CORO7: variants seen among roughly 807,000 people sequenced by gnomAD.
CORO7 encodes the protein coronin 7.
A neutral mutation model predicts 126.6 loss-of-function variants in CORO7; 107 were observed. That is an observed-to-expected ratio of 0.85 (90% CI 0.72 to 0.99). CORO7 has a LOEUF of 0.99. Ranked by LOEUF, CORO7 falls within the 50% of genes least tolerant of loss-of-function variation. CORO7 has a pLI of 0.00. For missense variants in CORO7, 1,314 were observed against 1,255.8 expected (o/e 1.05, Z -0.70); for synonymous variants, 603 against 536.8 (o/e 1.12, Z -1.70).
At chr16:4,365,178 G>A (rs1218555118) in intron 10 of CORO7, 118 bp from the exon 11 acceptor site, 3 of 1,447,522 alleles carry the variant, frequency 2.1e-6, no homozygotes, top group East Asian at 5.0e-5. Flanking sequence ...ACAGTGGCTG[G>A]AGATGGGGCT....
At chr16:4,388,885 G>A (rs891057644) in intron 7 of CORO7, among the ~76,000 whole-genome samples, 6 of 152,146 alleles carry the variant, frequency 3.9e-5, no homozygotes, top group East Asian at 1.9e-4. Context: ...TGCTCCTCCC[G>A]AGTGTCCCTC....
chr16:4,414,098 G>C (rs1394190595), intron 1 of CORO7, among the ~76,000 whole-genome samples: 1 of 151,538 alleles, frequency 6.6e-6, no homozygotes, highest in African/African-American at 2.4e-5. Context: ...GGCTGAGGGA[G>C]GAGAATCACT....
At position 4,413,310 on chromosome 16, in the gene CORO7, G is replaced by A; in HGVS notation, c.155C>T (p.Pro52Leu). 6.3e-7 allele frequency: 1 copy of A among 1,575,786 alleles called. No individual in the cohort carries two copies. The highest frequency in any genetic ancestry group is 8.6e-7 in the Non-Finnish European group (1 of 1,159,370). The change falls in exon 2 of 28, where the codon CCT becomes CTT. Residue 52 changes from proline to leucine, a missense_variant and splice_region_variant. Pro to Leu is a moderately conservative substitution (Grantham distance 98). Transcript: ENST00000251166. ...CSLIAFNSDR[P>L]GVLGIVPLQG... ...CCACACTCATGGCCATTCCCTACCAGGACGGTCGGAGTTGAAGGCGATCAA... is the reference window on the plus strand; with the variant it reads ...CCACACTCATGGCCATTCCCTACCAAGACGGTCGGAGTTGAAGGCGATCAA...
At chr16:4,370,249 G>A (rs1384155010) in intron 9 of CORO7, among the ~76,000 whole-genome samples, 1 of 152,234 alleles carries the variant, frequency 6.6e-6, no homozygotes, top group African/African-American at 2.4e-5. Flanking sequence ...TCCGACAAGA[G>A]GCTGCACAGC....
chr16:4,402,859 G>T (rs1357446340), intron 6 of CORO7, among the ~76,000 whole-genome samples: 2 of 152,178 alleles, frequency 1.3e-5, no homozygotes, highest in African/African-American at 4.8e-5. Flanking sequence ...GCGGCCTCCT[G>T]CCCCTTCTCT....
At chr16:4,395,206 C>T (rs1567289514) in intron 7 of CORO7, 83 bp downstream of exon 7, 92 of 1,599,484 alleles carry the variant, frequency 5.8e-5, no homozygotes, top group Non-Finnish European at 7.7e-5. Context: ...CCCAGGCCTG[C>T]CCCTACCTCC....
intron 9 of CORO7, chr16:4,383,208 G>C (rs2055065886): frequency 5.8e-6 from 2 of 344,358 alleles, no homozygotes; most frequent in Non-Finnish European, 1.1e-5. Context: ...CGCATGCCTG[G>C]GCCCTGCTGG....
In CORO7 at chr16:4,411,979, C is replaced by T. The variant is rs1000093995; in HGVS notation, c.232+377G>A. Among the ~76,000 whole-genome samples, 8 of 152,036 alleles carry T rather than the reference C, an allele frequency of 5.3e-5. No homozygotes were observed. In the East Asian group the frequency reaches 1.2e-3, roughly 22 times the overall value. On this transcript the variant is annotated intron_variant, in intron 3 of 27. Coordinates refer to ENST00000251166, the MANE Select transcript of CORO7 (RefSeq NM_024535.5). ...ACACAGCGACCTCCTTGGAGGGCCCCGAGCGGCTGGGCTGGGGAGGATGCC... is the reference window on the plus strand; with the variant it reads ...ACACAGCGACCTCCTTGGAGGGCCCTGAGCGGCTGGGCTGGGGAGGATGCC...
rs755146901 is a variant in CORO7, at chr16:4,358,475, G to A, written c.2349C>T (p.Val783=). Residue 783 remains valine (V), a synonymous_variant, in exon 24 of 28, where the codon GTC becomes GTT. Coordinates refer to ENST00000251166, the MANE Select transcript of CORO7 (RefSeq NM_024535.5). ...CGTCGCACTCCGTCTTAGGCAGGAGGACGAGGCCCTGGGGGAGCAAGGGAG... is the reference window on the plus strand; with the variant it reads ...CGTCGCACTCCGTCTTAGGCAGGAGAACGAGGCCCTGGGGGAGCAAGGGAG... ...FTSPDPHKGL[V]LLPKTECDVR... The A allele has an allele frequency of 1.9e-6, 3 of 1,597,946 alleles. No homozygotes were observed. Among genetic ancestry groups the A allele is most frequent in the South Asian group, 2.2e-5 (2 of 90,260 alleles).
chr16:4,402,692 C>A (rs1467132388), intron 6 of CORO7, among the ~76,000 whole-genome samples: 1 of 152,182 alleles, frequency 6.6e-6, no homozygotes, highest in Non-Finnish European at 1.5e-5. Flanking sequence ...GGGGTCCAAA[C>A]CAGGGTTCAG....
At chr16:4,355,423 C>T in intron 26 of CORO7, 51 bp from the exon 27 acceptor site, 1 of 1,564,186 alleles carries the variant, frequency 6.4e-7, no homozygotes, top group Non-Finnish European at 8.7e-7. Context: ...ACTCCCTGTT[C>T]CCTCTCCCAC....
rs1596313623 is a variant in CORO7, at chr16:4,386,848, C to T, written c.785+1138G>A. On this transcript the variant is annotated intron_variant, in intron 9 of 27. Coordinates refer to ENST00000251166, the MANE Select transcript of CORO7 (RefSeq NM_024535.5). Reference sequence around the variant, plus strand: ...TGGGCGGCTCTCAGCCCGGGGAAGCCCTTGGCAGGAGCTCTCGCTGGTACT... The same window carrying T: ...TGGGCGGCTCTCAGCCCGGGGAAGCTCTTGGCAGGAGCTCTCGCTGGTACT... Among the ~76,000 whole-genome samples the T allele has an allele frequency of 2.0e-5, 3 of 152,320 alleles. No individual in the cohort carries two copies. The East Asian group carries it at 5.8e-4, about 29-fold the overall frequency.
At chr16:4,367,588 G>A (rs944836753) in intron 9 of CORO7, among the ~76,000 whole-genome samples, 2 of 152,170 alleles carry the variant, frequency 1.3e-5, no homozygotes, top group African/African-American at 4.8e-5. Flanking sequence ...CAGTGACAGA[G>A]CAGGGGGACT....
intron 9 of CORO7, chr16:4,387,721 A>C (rs1251024240): frequency 1.8e-6 from 1 of 561,352 alleles, no homozygotes; most frequent in Non-Finnish European, 3.2e-6. Flanking sequence ...ACCTGTGTCA[A>C]CCCCCAGCCA....
Position 4,362,164 on chromosome 16 carries a change from G to A in CORO7, c.1403-4C>T. 2 of 1,604,582 alleles carry A rather than the reference G, an allele frequency of 1.2e-6. No homozygotes were observed. Among genetic ancestry groups the A allele is most frequent in the African/African-American group, 2.7e-5 (2 of 74,556 alleles). Reference sequence around the variant, plus strand: ...TGGCGGAACTTGGAACTGGGGCCTGGCAGGTGGCAGGGACATGGAACCACG... The same window carrying A: ...TGGCGGAACTTGGAACTGGGGCCTGACAGGTGGCAGGGACATGGAACCACG... On this transcript the variant is annotated splice_region_variant and splice_polypyrimidine_tract_variant and intron_variant, in intron 15 of 27. Transcript: ENST00000251166. This position sits in a 1 kb window ranked among gnomAD's most constrained non-coding sequence, Gnocchi z 5.3.
chr16:4,388,558 G>A lies in CORO7; in HGVS notation c.689C>T (p.Thr230Ile), dbSNP rs758136071. Residue 230 changes from threonine (T) to isoleucine (I), a missense_variant, in exon 8 of 28, where the codon ACT becomes ATT. By Grantham distance (89) the Thr-to-Ile change is moderately conservative (BLOSUM62 -1). Coordinates refer to ENST00000251166, the MANE Select transcript of CORO7 (RefSeq NM_024535.5). Reference sequence around the variant, plus strand: ...GGAACCCCCTACCTGGTTGAATCCAGTAGACACAAGGTGCTCCCAGGTGCC... The same window carrying A: ...GGAACCCCCTACCTGGTTGAATCCAATAGACACAAGGTGCTCCCAGGTGCC... ...WMGTWEHLVS[T>I]GFNQMREREV... 1.9e-6 allele frequency: 3 copies of A among 1,612,616 alleles called. No homozygotes were observed. Among genetic ancestry groups the A allele is most frequent in the Non-Finnish European group, 2.5e-6 (3 of 1,179,760 alleles).
In CORO7 at chr16:4,358,369, G is replaced by C. The variant is rs373678474; in HGVS notation, c.2455C>G (p.Arg819Gly). The stretch of plus-strand genomic sequence containing the variant: ...GAGTCCCAGGTCCCCACCCTCACCC[G>C]GACTCGGGGCAGCCGGAAGGCCACA... Reference protein sequence around the residue: ...EPVAFRLPRVRKEFFQDDVFP... With the variant: ...EPVAFRLPRVGKEFFQDDVFP... Residue 819 changes from arginine (R) to glycine (G), a missense_variant and splice_region_variant, in exon 24 of 28, where the codon CGG becomes GGG. Arg to Gly is a moderately radical substitution (Grantham distance 125, BLOSUM62 -2). Coordinates refer to ENST00000251166, the MANE Select transcript of CORO7 (RefSeq NM_024535.5). The C allele has an allele frequency of 1.2e-6, 2 of 1,612,338 alleles. No homozygotes were observed. The highest frequency in any genetic ancestry group is 2.2e-5 in the South Asian group (2 of 91,012).
In CORO7 at chr16:4,381,742, C is replaced by T. The variant is rs371016547; in HGVS notation, c.785+6244G>A. On this transcript the variant is annotated intron_variant, in intron 9 of 27. Transcript: ENST00000251166. ...TGGCGACCTCTCGGGCCTCTTCCCC[C>T]GCCTGCGGCTGCTGGCAGCTGCCCG... The T allele has an allele frequency of 1.3e-5, 21 of 1,604,738 alleles. 1 individual carries two copies. The highest frequency in any genetic ancestry group is 9.3e-5 in the African/African-American group (7 of 74,916).
At chr16:4,367,903 A>G (rs1391216101) in intron 9 of CORO7, among the ~76,000 whole-genome samples, 3 of 152,036 alleles carry the variant, frequency 2.0e-5, no homozygotes, top group Non-Finnish European at 4.4e-5. Flanking sequence ...GTTTCAAGCA[A>G]AAGAGGCTAG....
Sources: allele counts gnomAD v4.1 joint callset (sites outside exome capture counted in the v4.1 genomes callset), GRCh38; gene constraint gnomAD v4.1.1; non-coding constraint Gnocchi (gnomAD v3.1); transcripts MANE v1.5; gene names NCBI Gene and HGNC (gene_info 2026-07-23, HGNC 2026-07-21).